Variants in BMP6 observed in about 807,000 individuals in gnomAD.
BMP6 encodes the protein bone morphogenetic protein 6.
BMP6 carries 17 observed loss-of-function variants against 54.1 expected under a neutral mutation model. That is an observed-to-expected ratio of 0.31 (90% CI 0.22 to 0.47). BMP6 has a LOEUF of 0.47. Ranked by LOEUF, BMP6 falls within the 20% of genes least tolerant of loss-of-function variation. The pLI, the probability that BMP6 is intolerant of heterozygous loss-of-function variation, is 1.00. For synonymous variants in BMP6, 328 were observed against 291.2 expected (o/e 1.13, Z -1.28); for missense variants, 720 against 690.4 (o/e 1.04, Z -0.48).
chr6:7,821,352 G>T (rs1468560053), intron 1 of BMP6, among the ~76,000 whole-genome samples: 3 of 152,100 alleles, frequency 2.0e-5, no homozygotes, highest in African/African-American at 7.2e-5. Flanking sequence ...CATGACTGCT[G>T]AGCCTTGGGC....
chr6:7,825,994 C>T (rs2113229790), intron 1 of BMP6, among the ~76,000 whole-genome samples: 1 of 152,314 alleles, frequency 6.6e-6, no homozygotes, highest in East Asian at 1.9e-4. Context: ...TTTCCTTTTC[C>T]TACCTTGGCC....
At position 7,880,188 on chromosome 6, in the gene BMP6, G is replaced by C. The variant is rs1408689112; in HGVS notation, c.1393-6G>C. ...AGGTACCTTCTCCCCTTCTGTTTTGGAACAGGTTCACCTTATGAACCCCGA... is the reference window on the plus strand; with the variant it reads ...AGGTACCTTCTCCCCTTCTGTTTTGCAACAGGTTCACCTTATGAACCCCGA... On this transcript the variant is annotated splice_polypyrimidine_tract_variant and splice_region_variant and intron_variant, in intron 6 of 6. Coordinates refer to ENST00000283147, the MANE Select transcript of BMP6 (RefSeq NM_001718.6). 2 of 1,613,964 alleles carry C rather than the reference G, an allele frequency of 1.2e-6. No individual in the cohort carries two copies. Among genetic ancestry groups the C allele is most frequent in the Admixed American group, 1.7e-5 (1 of 59,992 alleles).
In BMP6 at chr6:7,856,559, T is replaced by C. The variant is rs562812081; in HGVS notation, c.858-4892T>C. 4.6e-4 allele frequency among the ~76,000 whole-genome samples: 70 copies of C among 150,842 alleles called. 1 individual carries two copies. Among genetic ancestry groups the C allele is most frequent in the Admixed American group, 4.2e-3 (64 of 15,096 alleles). On this transcript the variant is annotated intron_variant, in intron 2 of 6. Coordinates refer to ENST00000283147, the MANE Select transcript of BMP6 (RefSeq NM_001718.6). ...CTTACTGAGTATTTCATAAATCTGC[T>C]TACTTTGAATATATAAATGCCAGTT...
intron 1 of BMP6, among the ~76,000 whole-genome samples, chr6:7,757,272 G>T (rs149870135): frequency 1.3e-5 from 2 of 152,232 alleles, no homozygotes; most frequent in African/African-American, 4.8e-5. Context: ...CAGGAGGCTA[G>T]AAGTCTGAAA....
chr6:7,771,467 C>G (rs1757785258), intron 1 of BMP6, among the ~76,000 whole-genome samples: 1 of 152,016 alleles, frequency 6.6e-6, no homozygotes, highest in Non-Finnish European at 1.5e-5. Context: ...TATATAGCAC[C>G]CACATAAGGT....
chr6:7,735,749 A>T (rs1047406996), intron 1 of BMP6, among the ~76,000 whole-genome samples: 1 of 152,136 alleles, frequency 6.6e-6, no homozygotes, highest in Non-Finnish European at 1.5e-5. Context: ...TGGACACATC[A>T]TTGTCACCTA....
intron 1 of BMP6, among the ~76,000 whole-genome samples, chr6:7,814,812 G>A (rs1178012981): frequency 2.0e-5 from 3 of 152,066 alleles, no homozygotes; most frequent in Non-Finnish European, 4.4e-5. Context: ...ACATACCGGG[G>A]CCTGTCGGGG....
At chr6:7,833,444 G>C in intron 1 of BMP6, among the ~76,000 whole-genome samples, 1 of 152,158 alleles carries the variant, frequency 6.6e-6, no homozygotes, top group East Asian at 1.9e-4. Context: ...AATTGTAGAG[G>C]GGGGAAAGAT....
At position 7,881,592 on chromosome 6, in the gene BMP6, A is replaced by C. The variant is rs1759740313; in HGVS notation, c.*1249A>C. The C allele has an allele frequency of 6.6e-6, 1 of 152,264 alleles. No individual in the cohort carries two copies. Among genetic ancestry groups the C allele is most frequent in the Non-Finnish European group, 1.5e-5 (1 of 68,046 alleles). 9.4% of individuals were successfully genotyped at this position (152,264 alleles called of 1,614,324 possible). A position where few individuals can be genotyped will look rare whatever the true frequency, so the allele number is the denominator to read the frequency against. On this transcript the variant is annotated 3_prime_UTR_variant, in exon 7 of 7. Transcript: ENST00000283147. ...ATTGTACCACTTTGATTTTCTTGGA[A>C]TACAAGACTCGTGATGCAAAGCTGA...
chr6:7,786,469 T>TTG (rs1758022101), intron 1 of BMP6, among the ~76,000 whole-genome samples: 1 of 151,724 alleles, frequency 6.6e-6, no homozygotes, highest in African/African-American at 2.4e-5. Context: ...TGTTTTTTTT[T>TTG]TTTTTTTTTT....
chr6:7,748,445 CTG>C (rs1330983500), intron 1 of BMP6, among the ~76,000 whole-genome samples: 1 of 152,176 alleles, frequency 6.6e-6, no homozygotes, highest in African/African-American at 2.4e-5. Context: ...AAAAAGAAAA[CTG>C]GAACAGTTTA....
At chr6:7,782,750 A>G (rs1355299918) in intron 1 of BMP6, among the ~76,000 whole-genome samples, 1 of 152,174 alleles carries the variant, frequency 6.6e-6, no homozygotes, top group African/African-American at 2.4e-5. Context: ...GAACTTGCCC[A>G]GGAAAGGAGT....
chr6:7,744,004 TTTA>T (rs1331385580), intron 1 of BMP6, among the ~76,000 whole-genome samples: 1 of 152,226 alleles, frequency 6.6e-6, no homozygotes, highest in Non-Finnish European at 1.5e-5. Flanking sequence ...TTATCAGCAT[TTTA>T]TTGTGAACAA....
intron 1 of BMP6, among the ~76,000 whole-genome samples, chr6:7,818,520 G>A (rs1029388386): frequency 6.6e-5 from 10 of 152,198 alleles, no homozygotes; most frequent in Non-Finnish European, 1.2e-4. Flanking sequence ...GCACATTGTC[G>A]ACATAGATAA....
intron 4 of BMP6, among the ~76,000 whole-genome samples, chr6:7,863,021 C>T (rs1466779804): frequency 1.3e-5 from 2 of 152,136 alleles, no homozygotes; most frequent in East Asian, 1.9e-4. Context: ...TTTTGGGAGA[C>T]AGAGTCTCCC....
chr6:7,774,508 C>T (rs150113302), intron 1 of BMP6, among the ~76,000 whole-genome samples: 334 of 152,260 alleles, frequency 2.2e-3, no homozygotes, highest in African/African-American at 7.7e-3. Flanking sequence ...GCCAAGATCG[C>T]GCCACTGCAC....
chr6:7,876,110 G>A lies in BMP6; in HGVS notation c.1205-2964G>A, dbSNP rs181138614. On this transcript the variant is annotated intron_variant, in intron 4 of 6. Coordinates refer to ENST00000283147, the MANE Select transcript of BMP6 (RefSeq NM_001718.6). Reference sequence around the variant, plus strand: ...ATCTAGGCATTCCCCCACATGCGAAGTGTTGCCAAAAGCTGGGTAGCAAAA... The same window carrying A: ...ATCTAGGCATTCCCCCACATGCGAAATGTTGCCAAAAGCTGGGTAGCAAAA... Among the ~76,000 whole-genome samples, 617 of 152,328 alleles carry A rather than the reference G, an allele frequency of 4.1e-3. 3 individuals are homozygous for A. The highest frequency in any genetic ancestry group is 0.014 in the African/African-American group (596 of 41,574).
chr6:7,826,723 G>A (rs974080495), intron 1 of BMP6, among the ~76,000 whole-genome samples: 2 of 152,178 alleles, frequency 1.3e-5, no homozygotes, highest in Non-Finnish European at 2.9e-5. Context: ...AGAGCAAAGC[G>A]TCTGCTGCAG....
At chr6:7,817,527 G>C (rs1203078095) in intron 1 of BMP6, among the ~76,000 whole-genome samples, 3 of 130,814 alleles carry the variant, frequency 2.3e-5, no homozygotes, top group African/African-American at 8.5e-5. Flanking sequence ...TGAACAATGA[G>C]AACACTTGGA....
Sources: allele counts gnomAD v4.1 joint callset (sites outside exome capture counted in the v4.1 genomes callset), GRCh38; gene constraint gnomAD v4.1.1; transcripts MANE v1.5; gene names NCBI Gene and HGNC (gene_info 2026-07-23, HGNC 2026-07-21).